NRXN3: variants seen among roughly 807,000 people sequenced by gnomAD.
The protein encoded by NRXN3 is neurexin III.
Under a neutral mutation model 137.6 loss-of-function variants are expected in NRXN3, and 32 were observed. That is an observed-to-expected ratio of 0.23 (90% CI 0.18 to 0.31). NRXN3 has a LOEUF of 0.31. NRXN3 is among the 10% of genes least tolerant of loss of function. NRXN3 has a pLI of 1.00. For missense variants in NRXN3, 1,574 were observed against 2,062.5 expected (o/e 0.76, Z 4.59); for synonymous variants, 798 against 784.5 (o/e 1.02, Z -0.29).
chr14:78,673,298 A>C (rs116679885), intron 6 of NRXN3, among the ~76,000 whole-genome samples: 1,565 of 152,324 alleles, frequency 0.01, 32 homozygotes, highest in African/African-American at 0.036. Context: ...AGCCTGGTGC[A>C]GCCAATTGTG....
At chr14:78,437,238 T>C (rs1019854739) in intron 4 of NRXN3, among the ~76,000 whole-genome samples, 1 of 152,178 alleles carries the variant, frequency 6.6e-6, no homozygotes, top group Non-Finnish European at 1.5e-5. Flanking sequence ...TGCTGAAAGG[T>C]ACAGCTAACT....
At chr14:79,634,623 G>A (rs375371306) in intron 16 of NRXN3, among the ~76,000 whole-genome samples, 3 of 152,100 alleles carry the variant, frequency 2.0e-5, no homozygotes, top group Non-Finnish European at 4.4e-5. Flanking sequence ...GACTCAAAGC[G>A]GTTAAGGGAC....
intron 20 of NRXN3, among the ~76,000 whole-genome samples, chr14:79,842,065 T>C (rs1374548116): frequency 6.6e-6 from 1 of 152,228 alleles, no homozygotes; most frequent in East Asian, 1.9e-4. Flanking sequence ...GGGCTCCTTT[T>C]GCAAGGTATT....
At chr14:79,483,235 C>T (rs1198457123) in intron 16 of NRXN3, among the ~76,000 whole-genome samples, 1 of 152,186 alleles carries the variant, frequency 6.6e-6, no homozygotes, top group Non-Finnish European at 1.5e-5. Context: ...CTTATCATCA[C>T]AGATACTGTT....
chr14:78,819,379 A>G (rs1290048431), intron 10 of NRXN3, among the ~76,000 whole-genome samples: 3 of 152,236 alleles, frequency 2.0e-5, no homozygotes, highest in Non-Finnish European at 4.4e-5. Flanking sequence ...AATAGAAAAT[A>G]ATACAAATAA....
chr14:78,585,282 TG>T (rs1416025123), intron 4 of NRXN3, among the ~76,000 whole-genome samples: 1 of 151,858 alleles, frequency 6.6e-6, no homozygotes, highest in Non-Finnish European at 1.5e-5. Flanking sequence ...GCAAAGGACC[TG>T]AGGTGGGAAT....
chr14:79,743,953 C>T (rs1278119156), intron 19 of NRXN3, among the ~76,000 whole-genome samples: 1 of 152,084 alleles, frequency 6.6e-6, no homozygotes, highest in African/African-American at 2.4e-5. Flanking sequence ...AGAGAATTTC[C>T]AAATTAAATT....
intron 15 of NRXN3, among the ~76,000 whole-genome samples, chr14:79,333,040 G>C (rs113613464): frequency 8.5e-5 from 13 of 152,150 alleles, no homozygotes; most frequent in African/African-American, 3.1e-4. Flanking sequence ...CCCCCCTGCT[G>C]TGTGCAAAGC....
At chr14:79,781,540 C>T (rs1603486390) in intron 19 of NRXN3, among the ~76,000 whole-genome samples, 1 of 152,194 alleles carries the variant, frequency 6.6e-6, no homozygotes, top group African/African-American at 2.4e-5. Flanking sequence ...TTCTCTGGGC[C>T]TCAGGCTTCC....
chr14:78,944,140 A>G (rs1336091594), intron 10 of NRXN3, among the ~76,000 whole-genome samples: 3 of 152,156 alleles, frequency 2.0e-5, no homozygotes, highest in Non-Finnish European at 4.4e-5. Context: ...GTGGAGTCTG[A>G]TGCAGTTCTT....
Position 79,321,736 on chromosome 14 carries a change from A to G in NRXN3, c.3263-145485A>G, listed in dbSNP as rs76222985. On this transcript the variant is annotated intron_variant, in intron 15 of 20. Coordinates refer to ENST00000335750, the MANE Select transcript of NRXN3 (RefSeq NM_001330195.2). Reference sequence around the variant, plus strand: ...TAATGGTTTCAGCATCATGATATATATATACATATATATGCATATGTGTAA... The same window carrying G: ...TAATGGTTTCAGCATCATGATATATGTATACATATATATGCATATGTGTAA... Among the ~76,000 whole-genome samples, 739 of 150,748 alleles carry G rather than the reference A, an allele frequency of 4.9e-3. 13 individuals carry two copies. Among genetic ancestry groups the G allele is most frequent in the African/African-American group, 0.017 (703 of 41,252 alleles).
intron 5 of NRXN3, among the ~76,000 whole-genome samples, chr14:78,646,524 G>A (rs550566242): frequency 1.6e-4 from 25 of 152,310 alleles, no homozygotes; most frequent in South Asian, 1.2e-3. Flanking sequence ...ATGTGAAAGC[G>A]TAAGAAATGA....
chr14:79,860,255 A>C (rs1404926661), intron 20 of NRXN3, among the ~76,000 whole-genome samples: 1 of 152,202 alleles, frequency 6.6e-6, no homozygotes, highest in Non-Finnish European at 1.5e-5. Context: ...TAACAGTTTC[A>C]AGTCATGGAT....
chr14:78,250,145 G>A (rs748865262), intron 2 of NRXN3: 16 of 509,140 alleles, frequency 3.1e-5, no homozygotes, highest in Non-Finnish European at 6.3e-5. Flanking sequence ...AGATTGTGCA[G>A]GTATTAAGAG....
intron 16 of NRXN3, among the ~76,000 whole-genome samples, chr14:79,624,477 TAG>T (rs932447926): frequency 6.6e-6 from 1 of 152,092 alleles, no homozygotes; most frequent in Non-Finnish European, 1.5e-5. Context: ...AAATTACTAG[TAG>T]AGTCAAGAAA....
At chr14:79,426,396 T>A (rs1218625413) in intron 15 of NRXN3, among the ~76,000 whole-genome samples, 1 of 152,146 alleles carries the variant, frequency 6.6e-6, no homozygotes, top group East Asian at 1.9e-4. Flanking sequence ...AAGCATTTTC[T>A]TGACATTTTG....
At chr14:79,682,101 T>G (rs1235208168) in intron 17 of NRXN3, among the ~76,000 whole-genome samples, 1 of 152,206 alleles carries the variant, frequency 6.6e-6, no homozygotes, top group Non-Finnish European at 1.5e-5. Flanking sequence ...TCCTTTGCTT[T>G]TGGCAGTTAC....
At chr14:78,225,980 T>TGG (rs1567013516) in intron 1 of NRXN3, among the ~76,000 whole-genome samples, 3 of 133,796 alleles carry the variant, frequency 2.2e-5, no homozygotes, top group Non-Finnish European at 1.6e-5. Context: ...TGTTGGTGTG[T>TGG]GTGTGTGTGT....
intron 16 of NRXN3, among the ~76,000 whole-genome samples, chr14:79,476,480 T>C (rs1209515494): frequency 6.6e-6 from 1 of 152,154 alleles, no homozygotes; most frequent in Non-Finnish European, 1.5e-5. Context: ...TGACAGGAAA[T>C]GAGTTGTCAT....
Sources: gnomAD v4.1 joint callset for allele counts (sites outside exome capture counted in the v4.1 genomes callset) on GRCh38, gnomAD v4.1.1 for gene constraint, MANE v1.5 for transcripts, NCBI Gene and HGNC (gene_info 2026-07-23, HGNC 2026-07-21) for gene names.